The following ITFG1 variants were observed in gnomAD, a reference collection of about 807,000 sequenced individuals.
The protein encoded by ITFG1 is T-cell immunomodulatory protein.
A neutral mutation model predicts 81.8 loss-of-function variants in ITFG1; 34 were observed. That is an observed-to-expected ratio of 0.42 (90% CI 0.32 to 0.55). The LOEUF (loss-of-function observed/expected upper bound fraction) is 0.55. ITFG1 is among the 20% of genes least tolerant of loss of function. ITFG1 has a pLI of 0.17. For missense variants in ITFG1, 672 were observed against 755.4 expected (o/e 0.89, Z 1.29); for synonymous variants, 285 against 270.6 (o/e 1.05, Z -0.52).
intron 5 of ITFG1, among the ~76,000 whole-genome samples, chr16:47,434,272 C>A (rs1345448690): frequency 3.1e-4 from 47 of 151,862 alleles, no homozygotes. Context: ...GAACTGACAG[C>A]CTACAGAATG....
intron 8 of ITFG1, among the ~76,000 whole-genome samples, chr16:47,350,839 A>G (rs1029418703): frequency 1.3e-5 from 2 of 152,210 alleles, no homozygotes; most frequent in African/African-American, 4.8e-5. Context: ...AACCGAATCC[A>G]GCAGTACATC....
chr16:47,395,724 G>A (rs527555856), intron 6 of ITFG1, among the ~76,000 whole-genome samples: 4 of 152,208 alleles, frequency 2.6e-5, no homozygotes, highest in South Asian at 2.1e-4. Flanking sequence ...AGTATTTACC[G>A]GCACCATATA....
intron 8 of ITFG1, among the ~76,000 whole-genome samples, chr16:47,326,188 T>C (rs1388069692): frequency 6.6e-6 from 1 of 152,174 alleles, no homozygotes; most frequent in African/African-American, 2.4e-5. Context: ...TCAATACACC[T>C]AATACAGCAT....
intron 14 of ITFG1, among the ~76,000 whole-genome samples, chr16:47,198,125 G>A (rs1044145849): frequency 6.6e-6 from 1 of 152,048 alleles, no homozygotes; most frequent in Admixed American, 6.6e-5. Flanking sequence ...AAAATTATTC[G>A]GCCATCAACC....
intron 14 of ITFG1, among the ~76,000 whole-genome samples, chr16:47,204,264 A>T (rs1452142976): frequency 1.5e-4 from 23 of 152,202 alleles, no homozygotes; most frequent in Admixed American, 1.4e-3. Context: ...CCTGCCGAAG[A>T]TTCACCCTTG....
At chr16:47,359,451 T>G (rs986596361) in intron 8 of ITFG1, among the ~76,000 whole-genome samples, 2 of 152,196 alleles carry the variant, frequency 1.3e-5, no homozygotes, top group Admixed American at 6.5e-5. Context: ...TCTTTTTCTC[T>G]TCCCCTCAAC....
rs368139141 is a variant in ITFG1 at position 47,309,362 on chromosome 16, G to A, written c.1070+1878C>T. ...TGGGATTACAGGCGTGAGCCACCAC[G>A]CCTGGCCTATTAACATAACTTCTAT... On this transcript the variant is annotated intron_variant, in intron 10 of 17. Coordinates refer to ENST00000320640, the MANE Select transcript of ITFG1 (RefSeq NM_030790.5). 3.3e-5 allele frequency among the ~76,000 whole-genome samples: 5 copies of A among 152,030 alleles called. No individual in the cohort carries two copies. The South Asian group carries it at 6.2e-4, about 19-fold the overall frequency.
At chr16:47,258,963 G>A (rs551032555) in intron 11 of ITFG1, among the ~76,000 whole-genome samples, 1 of 152,252 alleles carries the variant, frequency 6.6e-6, no homozygotes, top group South Asian at 2.1e-4. Flanking sequence ...TTAGTCTCTG[G>A]AGATAATGAT....
At chr16:47,440,909 G>A (rs1477253421) in intron 5 of ITFG1, among the ~76,000 whole-genome samples, 4 of 152,050 alleles carry the variant, frequency 2.6e-5, no homozygotes, top group East Asian at 1.9e-4. Flanking sequence ...CTGGTTTTTC[G>A]AAAAGATCAA....
chr16:47,301,789 T>C (rs969034151), intron 10 of ITFG1, among the ~76,000 whole-genome samples: 1 of 152,178 alleles, frequency 6.6e-6, no homozygotes, highest in African/African-American at 2.4e-5. Context: ...TATAAAACGA[T>C]TTCATCTATA....
chr16:47,380,849 C>T (rs1353790377), intron 6 of ITFG1, among the ~76,000 whole-genome samples: 6 of 152,218 alleles, frequency 3.9e-5, no homozygotes, highest in East Asian at 1.9e-4. Context: ...ACAAATACTC[C>T]ATAACAAAAG....
chr16:47,370,738 G>A (rs978681372), intron 7 of ITFG1, among the ~76,000 whole-genome samples: 23 of 152,188 alleles, frequency 1.5e-4, no homozygotes, highest in Non-Finnish European at 5.9e-5. Flanking sequence ...CCCACAGTGG[G>A]TGTGAGATTA....
chr16:47,332,364 A>G (rs1967647966), intron 8 of ITFG1, among the ~76,000 whole-genome samples: 1 of 152,168 alleles, frequency 6.6e-6, no homozygotes, highest in African/African-American at 2.4e-5. Context: ...TGAAGCTGCT[A>G]TGTTCAAAAG....
intron 6 of ITFG1, among the ~76,000 whole-genome samples, chr16:47,398,137 A>C (rs928121743): frequency 1.3e-5 from 2 of 152,160 alleles, no homozygotes; most frequent in Non-Finnish European, 2.9e-5. Flanking sequence ...TTCAGACTTA[A>C]AGCTGCATGG....
At chr16:47,439,644 T>C (rs1437103881) in intron 5 of ITFG1, among the ~76,000 whole-genome samples, 1 of 152,160 alleles carries the variant, frequency 6.6e-6, no homozygotes, top group African/African-American at 2.4e-5. Context: ...CTGAGAGATT[T>C]TGTCACCACC....
At chr16:47,355,379 G>A (rs986322685) in intron 8 of ITFG1, among the ~76,000 whole-genome samples, 3 of 152,086 alleles carry the variant, frequency 2.0e-5, no homozygotes, top group Non-Finnish European at 4.4e-5. Flanking sequence ...GATTATCAGA[G>A]GCTGGGGAGA....
chr16:47,439,996 C>G (rs1969224427), intron 5 of ITFG1, among the ~76,000 whole-genome samples: 1 of 151,946 alleles, frequency 6.6e-6, no homozygotes, highest in African/African-American at 2.4e-5. Flanking sequence ...GGAAGATCTA[C>G]AAAGCAAATG....
At chr16:47,263,778 T>C (rs1006825740) in intron 10 of ITFG1, among the ~76,000 whole-genome samples, 2 of 152,216 alleles carry the variant, frequency 1.3e-5, no homozygotes, top group Non-Finnish European at 2.9e-5. Flanking sequence ...AATAAATGAA[T>C]AAAATGTCAT....
chr16:47,237,522 T>C (rs1462991459), intron 13 of ITFG1, among the ~76,000 whole-genome samples: 2 of 152,222 alleles, frequency 1.3e-5, no homozygotes, highest in Non-Finnish European at 2.9e-5. Context: ...CACTGAAACA[T>C]TCTATTAGAC....
Sources: gnomAD v4.1 joint callset for allele counts (sites outside exome capture counted in the v4.1 genomes callset) on GRCh38, gnomAD v4.1.1 for gene constraint, MANE v1.5 for transcripts, NCBI Gene and HGNC (gene_info 2026-07-23, HGNC 2026-07-21) for gene names.